The following LRRC4C variants were observed in gnomAD, a reference collection of about 807,000 sequenced individuals.
The protein encoded by LRRC4C is leucine rich repeat containing 4C, also known as leucine-rich repeat-containing protein 4C.
A neutral mutation model predicts 33.6 loss-of-function variants in LRRC4C; 5 were observed. The ratio of observed to expected loss-of-function variants is 0.15; its 90% confidence interval spans 0.08 to 0.31. The LOEUF (loss-of-function observed/expected upper bound fraction) is 0.31, where lower values mean the gene tolerates loss of function less well. LRRC4C is among the 10% of genes least tolerant of loss of function. The probability of loss-of-function intolerance (pLI) is 1.00; values close to 1 mark genes in which losing one functional copy is unlikely to be tolerated. For missense variants in LRRC4C, 560 were observed against 796.7 expected, an observed-to-expected ratio of 0.70 and a Z score of 3.58; for synonymous variants, 329 against 302.0, an observed-to-expected ratio of 1.09 and a Z score of -0.93.
chr11:40,264,432 C>T (rs1011153264), intron 4 of LRRC4C, among the ~76,000 whole-genome samples: 5 of 152,110 alleles, frequency 3.3e-5, no homozygotes, highest in African/African-American at 1.2e-4. Flanking sequence ...TCTTCGACAC[C>T]TATACTTCTG....
chr11:40,862,897 G>T (rs191942481), intron 2 of LRRC4C, among the ~76,000 whole-genome samples: 15 of 152,328 alleles, frequency 9.8e-5, no homozygotes, highest in Admixed American at 8.5e-4. Flanking sequence ...TAGTAGTTCA[G>T]CTTCACACAT....
At chr11:41,365,041 G>A (rs532398957) in intron 1 of LRRC4C, among the ~76,000 whole-genome samples, 7 of 152,180 alleles carry the variant, frequency 4.6e-5, no homozygotes, top group African/African-American at 1.7e-4. Flanking sequence ...CTGAATCATG[G>A]ACGAGTACCA....
chr11:40,132,911 T>A (rs1427860680), intron 6 of LRRC4C, among the ~76,000 whole-genome samples: 2 of 152,172 alleles, frequency 1.3e-5, no homozygotes, highest in Non-Finnish European at 2.9e-5. Context: ...TATTTCAAAT[T>A]ATGTTTAATC....
In LRRC4C at chr11:40,524,217, G is replaced by A. The variant is rs1031030294; in HGVS notation, c.-270+123925C>T. On this transcript the variant is annotated intron_variant, in intron 3 of 6. Coordinates refer to ENST00000528697, the MANE Select transcript of LRRC4C (RefSeq NM_001258419.2). The stretch of plus-strand genomic sequence containing the variant: ...AAATCTTTATTAATTCAGTATCAAT[G>A]TCACATGCTTTGAGGGGATTAAGCA... 1.5e-4 allele frequency among the ~76,000 whole-genome samples: 23 copies of A among 152,254 alleles called. 1 individual carries two copies. Among genetic ancestry groups the A allele is most frequent in the African/African-American group, 5.3e-4 (22 of 41,566 alleles).
chr11:41,056,949 G>A (rs1487795303), intron 1 of LRRC4C, among the ~76,000 whole-genome samples: 1 of 152,172 alleles, frequency 6.6e-6, no homozygotes, highest in Non-Finnish European at 1.5e-5. Flanking sequence ...ACTCAGTAGA[G>A]GCAGGAGCTT....
At chr11:40,903,978 T>C (rs775713402) in intron 2 of LRRC4C, among the ~76,000 whole-genome samples, 11 of 152,014 alleles carry the variant, frequency 7.2e-5, no homozygotes, top group Non-Finnish European at 1.5e-4. Context: ...AAAATACCAG[T>C]GGCAGAAGTA....
chr11:41,351,050 C>A (rs1951963415), intron 1 of LRRC4C, among the ~76,000 whole-genome samples: 1 of 152,052 alleles, frequency 6.6e-6, no homozygotes, highest in Admixed American at 6.6e-5. Context: ...GGCAACAGGA[C>A]AAGACCTCGT....
chr11:40,628,054 A>G (rs1963120420), intron 3 of LRRC4C, among the ~76,000 whole-genome samples: 1 of 152,210 alleles, frequency 6.6e-6, no homozygotes, highest in Non-Finnish European at 1.5e-5. Context: ...ATAGCTCTCT[A>G]GAATATGTAA....
chr11:40,210,090 A>C (rs1416294291), intron 5 of LRRC4C, among the ~76,000 whole-genome samples: 1 of 152,018 alleles, frequency 6.6e-6, no homozygotes, highest in Non-Finnish European at 1.5e-5. Context: ...GAGTTAAGCT[A>C]TGGTTTTCAA....
At chr11:41,167,618 T>C (rs1475113005) in intron 1 of LRRC4C, among the ~76,000 whole-genome samples, 1 of 152,128 alleles carries the variant, frequency 6.6e-6, no homozygotes, top group Non-Finnish European at 1.5e-5. Context: ...TGCACTCACA[T>C]CTAATTAACA....
intron 3 of LRRC4C, among the ~76,000 whole-genome samples, chr11:40,584,220 G>T (rs1958607385): frequency 1.2e-5 from 1 of 84,426 alleles, no homozygotes; most frequent in Admixed American, 1.4e-4. Flanking sequence ...TCTTTGTGAT[G>T]GGGGGACAGT....
intron 1 of LRRC4C, among the ~76,000 whole-genome samples, chr11:41,440,121 T>G (rs964338564): frequency 2.0e-5 from 3 of 152,124 alleles, no homozygotes; most frequent in African/African-American, 7.2e-5. Context: ...TTTTTTTAGG[T>G]TTTCTTTTAA....
At chr11:40,852,782 G>A (rs927824036) in intron 2 of LRRC4C, among the ~76,000 whole-genome samples, 1 of 152,080 alleles carries the variant, frequency 6.6e-6, no homozygotes. Context: ...CTTTAACCTG[G>A]CATCTTCAGG....
At chr11:41,105,201 C>T (rs535516617) in intron 1 of LRRC4C, among the ~76,000 whole-genome samples, 4 of 151,954 alleles carry the variant, frequency 2.6e-5, no homozygotes, top group South Asian at 2.1e-4. Context: ...TTCTACACAC[C>T]GTGGTCCCTT....
intron 3 of LRRC4C, among the ~76,000 whole-genome samples, chr11:40,483,468 A>C (rs191984322): frequency 6.6e-6 from 1 of 152,278 alleles, no homozygotes; most frequent in East Asian, 1.9e-4. Context: ...TAAATAACAC[A>C]ATCAATGGGA....
At chr11:41,067,303 C>T (rs1478758725) in intron 1 of LRRC4C, among the ~76,000 whole-genome samples, 1 of 152,076 alleles carries the variant, frequency 6.6e-6, no homozygotes, top group Non-Finnish European at 1.5e-5. Flanking sequence ...AACTAACAAA[C>T]ATCAAAAAGA....
intron 2 of LRRC4C, among the ~76,000 whole-genome samples, chr11:40,688,002 T>A (rs921755455): frequency 6.6e-6 from 1 of 151,866 alleles, no homozygotes; most frequent in Non-Finnish European, 1.5e-5. Flanking sequence ...TTTTTTTTCC[T>A]GAGGATATTG....
At chr11:40,945,300 T>G (rs111441479) in intron 1 of LRRC4C, among the ~76,000 whole-genome samples, 75 of 152,130 alleles carry the variant, frequency 4.9e-4, no homozygotes, top group African/African-American at 1.7e-3. Flanking sequence ...GATTACAGGC[T>G]TGAGCCACCG....
chr11:41,265,440 A>G (rs1949118613), intron 1 of LRRC4C, among the ~76,000 whole-genome samples: 1 of 152,050 alleles, frequency 6.6e-6, no homozygotes, highest in Non-Finnish European at 1.5e-5. Context: ...AGAATAGGGG[A>G]CCTTAAGTCA....
Sources: gnomAD v4.1 joint callset for allele counts (sites outside exome capture counted in the v4.1 genomes callset) on GRCh38, gnomAD v4.1.1 for gene constraint, MANE v1.5 for transcripts, NCBI Gene and HGNC (gene_info 2026-07-23, HGNC 2026-07-21) for gene names.